The following DDX4 variants were observed in gnomAD, a reference collection of about 807,000 sequenced individuals.
The protein encoded by DDX4 is DEAD-box helicase 4.
Under a neutral mutation model 100.0 loss-of-function variants are expected in DDX4, and 25 were observed. That is an observed-to-expected ratio of 0.25 (90% CI 0.18 to 0.35). DDX4 has a LOEUF of 0.35. Among genes scored for constraint, DDX4 ranks in the 10% least tolerant of loss-of-function variants. The probability of loss-of-function intolerance (pLI) is 1.00; values close to 1 mark genes in which losing one functional copy is unlikely to be tolerated. For synonymous variants in DDX4, 259 were observed against 275.7 expected (o/e 0.94, Z 0.60); for missense variants, 635 against 882.4 (o/e 0.72, Z 3.55).
At chr5:55,796,822 T>C (rs1443491930) in intron 17 of DDX4, among the ~76,000 whole-genome samples, 15 of 128,226 alleles carry the variant, frequency 1.2e-4, no homozygotes, top group Non-Finnish European at 2.1e-4. Context: ...TTTCTTTCTT[T>C]CTTTTTTTTT....
chr5:55,739,020 C>T lies in DDX4; in HGVS notation c.57C>T (p.Pro19=), dbSNP rs2150799543. ...ACCCTCATATGTCTTCCTATGTTCC[C>T]ATATTTGAGAAGGTAATAACATTTA... is the stretch of plus-strand genomic sequence containing the variant. ...EINPHMSSYV[P]IFEKDRYSGE... is the part of the protein sequence containing the mutation. Residue 19 remains proline, a synonymous_variant, in exon 2 of 22, where the codon CCC becomes CCT. Coordinates refer to ENST00000505374, the MANE Select transcript of DDX4 (RefSeq NM_024415.3). The T allele has an allele frequency of 6.3e-7, 1 of 1,586,844 alleles. No individual in the cohort carries two copies. Among genetic ancestry groups the T allele is most frequent in the East Asian group, 2.2e-5 (1 of 44,686 alleles).
intron 18 of DDX4, among the ~76,000 whole-genome samples, chr5:55,811,681 T>C (rs748741864): frequency 7.9e-5 from 12 of 152,230 alleles, no homozygotes; most frequent in Admixed American, 3.9e-4. Flanking sequence ...TTAATCATAG[T>C]AACTTCTATT....
intron 3 of DDX4, among the ~76,000 whole-genome samples, chr5:55,748,893 TAAA>T (rs1759388067): frequency 6.6e-6 from 1 of 152,244 alleles, no homozygotes; most frequent in African/African-American, 2.4e-5. Context: ...TCCTTTTTTA[TAAA>T]TACTTGTCTT....
intron 3 of DDX4, among the ~76,000 whole-genome samples, chr5:55,755,387 T>C (rs1020178553): frequency 6.6e-6 from 1 of 152,200 alleles, no homozygotes; most frequent in Admixed American, 6.5e-5. Context: ...TTGAATGTTA[T>C]CAAATGGCTT....
In DDX4 at chr5:55,760,411, G is replaced by A. The variant is rs148269268; in HGVS notation, c.205+134G>A. 218 of 871,342 alleles carry A rather than the reference G, an allele frequency of 2.5e-4. 1 individual carries two copies. The African/African-American group carries it at 3.3e-3, about 13-fold the overall frequency. 54.0% of individuals were successfully genotyped at this position (871,342 alleles called of 1,614,324 possible). ...AGTAGACTTGGTGTTGAGATAATGA[G>A]TTCATCATTTTTCCAAGTTCATTTT... On this transcript the variant is annotated intron_variant, in intron 4 of 21. Transcript: ENST00000505374.
intron 18 of DDX4, among the ~76,000 whole-genome samples, chr5:55,802,236 G>A (rs1743359766): frequency 1.3e-5 from 2 of 152,126 alleles, no homozygotes; most frequent in South Asian, 4.1e-4. Context: ...AGGAGACTTA[G>A]TTAAGAAATC....
intron 18 of DDX4, among the ~76,000 whole-genome samples, chr5:55,799,026 C>T (rs909530226): frequency 1.3e-5 from 2 of 152,068 alleles, no homozygotes; most frequent in Admixed American, 6.6e-5. Context: ...TTCACAATAT[C>T]TGTGGGAATT....
chr5:55,767,951 C>T lies in DDX4; in HGVS notation c.394+11C>T, dbSNP rs1162952784. The T allele has an allele frequency of 6.2e-7, 1 of 1,612,454 alleles. No individual in the cohort carries two copies. The highest frequency in any genetic ancestry group is 8.5e-7 in the Non-Finnish European group (1 of 1,178,550). ...TTTCCAAGAGAGGCGGTAAGGACCA[C>T]ATTTTGGAACAATTTGTACTTAACA... On this transcript the variant is annotated intron_variant, in intron 7 of 21. Coordinates refer to ENST00000505374, the MANE Select transcript of DDX4 (RefSeq NM_024415.3).
intron 8 of DDX4, among the ~76,000 whole-genome samples, 181 bp downstream of exon 8, chr5:55,780,246 A>G (rs1222782212): frequency 6.6e-6 from 1 of 152,194 alleles, no homozygotes; most frequent in Non-Finnish European, 1.5e-5. Context: ...TTGATTGCAT[A>G]TTGGTTAAGT....
intron 3 of DDX4, among the ~76,000 whole-genome samples, chr5:55,749,886 AACTGGATT>A (rs1759449071): frequency 6.6e-6 from 1 of 150,610 alleles, no homozygotes; most frequent in African/African-American, 2.4e-5. Flanking sequence ...CACGAAAGTT[AACTGGATT>A]ACAAACTAGG....
chr5:55,803,938 A>G (rs1743512887), intron 18 of DDX4, among the ~76,000 whole-genome samples: 1 of 152,038 alleles, frequency 6.6e-6, no homozygotes, highest in Admixed American at 6.6e-5. Context: ...AGTCCCACCA[A>G]CAGTGTAAAA....
chr5:55,780,342 A>G (rs1015142551), intron 8 of DDX4, among the ~76,000 whole-genome samples: 4 of 152,178 alleles, frequency 2.6e-5, no homozygotes, highest in African/African-American at 9.7e-5. Flanking sequence ...CTTTGATAAT[A>G]TGGCTGACCT....
chr5:55,795,014 A>G (rs1742837051), intron 17 of DDX4, among the ~76,000 whole-genome samples: 1 of 146,250 alleles, frequency 6.8e-6, no homozygotes, highest in Non-Finnish European at 1.5e-5. Context: ...TGCCCAGGCT[A>G]GAGTACAATG....
intron 21 of DDX4, among the ~76,000 whole-genome samples, chr5:55,815,948 T>G (rs1405541475): frequency 6.7e-6 from 1 of 148,844 alleles, no homozygotes; most frequent in Admixed American, 6.7e-5. Flanking sequence ...TTTTTTTTTT[T>G]TTTTTTTTTG....
At chr5:55,796,812 TTTC>T (rs1359857639) in intron 17 of DDX4, among the ~76,000 whole-genome samples, 1 of 141,338 alleles carries the variant, frequency 7.1e-6, no homozygotes, top group Non-Finnish European at 1.5e-5. Context: ...CTTTTCTTTT[TTTC>T]TTTCTTTCTT....
At chr5:55,793,060 G>GTT (rs1742689329) in intron 17 of DDX4, among the ~76,000 whole-genome samples, 1 of 147,628 alleles carries the variant, frequency 6.8e-6, no homozygotes, top group Admixed American at 7.4e-5. Context: ...GTGTGTTTGT[G>GTT]TGTGTTGTTG....
intron 10 of DDX4, among the ~76,000 whole-genome samples, chr5:55,784,209 C>T (rs1425187465): frequency 2.0e-5 from 3 of 152,032 alleles, no homozygotes; most frequent in African/African-American, 7.2e-5. Context: ...AGTCAGGGGG[C>T]GGGGGATTGC....
chr5:55,767,123 C>G (rs1740973215), intron 6 of DDX4, among the ~76,000 whole-genome samples: 1 of 152,142 alleles, frequency 6.6e-6, no homozygotes, highest in South Asian at 2.1e-4. Flanking sequence ...TTTAAGAAAG[C>G]ACAAATGTCT....
chr5:55,759,367 G>T (rs533270548), intron 3 of DDX4, among the ~76,000 whole-genome samples: 3 of 151,628 alleles, frequency 2.0e-5, no homozygotes, highest in East Asian at 3.9e-4. Flanking sequence ...TGAGCTGTGG[G>T]TTATATAGAA....
Sources: gnomAD v4.1 joint callset for allele counts (sites outside exome capture counted in the v4.1 genomes callset) on GRCh38, gnomAD v4.1.1 for gene constraint, MANE v1.5 for transcripts, NCBI Gene and HGNC (gene_info 2026-07-23, HGNC 2026-07-21) for gene names.